The following SUGCT variants were observed in gnomAD, a reference collection of about 807,000 sequenced individuals.
SUGCT encodes the protein succinyl-CoA:glutarate CoA-transferase.
In SUGCT, 41 loss-of-function variants were observed where a neutral mutation model predicts 55.0. The observed-to-expected ratio is 0.74, with a 90% CI of 0.58 to 0.97. The LOEUF (loss-of-function observed/expected upper bound fraction) is 0.97, where lower values mean the gene tolerates loss of function less well. Among genes scored for constraint, SUGCT ranks in the 50% least tolerant of loss-of-function variants. The pLI is 0.00. For synonymous variants in SUGCT, 187 were observed against 200.4 expected (o/e 0.93, Z 0.56); for missense variants, 568 against 547.8 (o/e 1.04, Z -0.37).
intron 1 of SUGCT, chr7:40,154,065 G>A (rs552645663): frequency 2.4e-5 from 6 of 250,096 alleles, no homozygotes; most frequent in African/African-American, 1.1e-4. Context: ...GGTGAACATT[G>A]GGGGTCTTTG....
chr7:40,395,241 C>G (rs903591876), intron 9 of SUGCT, among the ~76,000 whole-genome samples: 5 of 152,026 alleles, frequency 3.3e-5, no homozygotes, highest in African/African-American at 1.2e-4. Flanking sequence ...GCAATCCCAG[C>G]ATTTTGGGAG....
chr7:40,903,344 C>G, the SUGCT span, among the ~76,000 whole-genome samples: 5 of 151,992 alleles, frequency 3.3e-5, no homozygotes, highest in Admixed American at 6.6e-5. Flanking sequence ...TACATCAGCG[C>G]CTAGACAGAG....
chr7:40,907,533 A>T, the SUGCT span, among the ~76,000 whole-genome samples: 2 of 152,350 alleles, frequency 1.3e-5, no homozygotes, highest in East Asian at 3.9e-4. Flanking sequence ...CTGGTTTTAT[A>T]TGCATTGCCT....
intron 1 of SUGCT, among the ~76,000 whole-genome samples, chr7:40,140,178 A>G (rs921946283): frequency 3.9e-5 from 6 of 152,118 alleles, no homozygotes; most frequent in Non-Finnish European, 7.4e-5. Flanking sequence ...TGCTGGGATT[A>G]TAGGTGTGAG....
chr7:40,482,283 G>A (rs1791096051), intron 11 of SUGCT, among the ~76,000 whole-genome samples: 1 of 152,114 alleles, frequency 6.6e-6, no homozygotes, highest in Non-Finnish European at 1.5e-5. Context: ...CAGAACATAT[G>A]ACTGGTAAGT....
intron 12 of SUGCT, chr7:40,499,208 C>T (rs946134041): frequency 5.1e-5 from 22 of 433,542 alleles, no homozygotes; most frequent in African/African-American, 1.8e-4. Flanking sequence ...TGGAACATGG[C>T]GTAGGAATGG....
chr7:40,421,248 C>T (rs1787290045), intron 9 of SUGCT, among the ~76,000 whole-genome samples: 1 of 152,182 alleles, frequency 6.6e-6, no homozygotes, highest in Non-Finnish European at 1.5e-5. Context: ...TTCCTAGCCT[C>T]TACCTTCTAC....
intron 1 of SUGCT, among the ~76,000 whole-genome samples, chr7:40,143,824 T>G (rs1788108898): frequency 6.6e-6 from 1 of 152,152 alleles, no homozygotes; most frequent in Admixed American, 6.5e-5. Flanking sequence ...GGTCTGTCCC[T>G]GAAACCTCAG....
chr7:40,616,196 G>GT (rs553161172), intron 12 of SUGCT, among the ~76,000 whole-genome samples: 569 of 147,646 alleles, frequency 3.9e-3, no homozygotes, highest in African/African-American at 0.011. Context: ...TGTTAAAGTA[G>GT]TTTTTTTTTT....
intron 12 of SUGCT, among the ~76,000 whole-genome samples, chr7:40,587,774 A>G (rs979968804): frequency 6.6e-6 from 1 of 152,206 alleles, no homozygotes; most frequent in Admixed American, 6.5e-5. Flanking sequence ...TTCAATACAT[A>G]ATGGAATTTT....
chr7:40,677,902 G>A (rs369693921), intron 12 of SUGCT, among the ~76,000 whole-genome samples: 1 of 152,128 alleles, frequency 6.6e-6, no homozygotes, highest in African/African-American at 2.4e-5. Context: ...GTTGGCCTGG[G>A]CTGCACTCAT....
intron 12 of SUGCT, among the ~76,000 whole-genome samples, chr7:40,571,096 T>C (rs1796428285): frequency 2.0e-5 from 3 of 152,100 alleles, no homozygotes; most frequent in African/African-American, 7.2e-5. Flanking sequence ...AGCAGGTTAC[T>C]GATCAAAATA....
chr7:40,325,402 A>G (rs1024918387), intron 9 of SUGCT, among the ~76,000 whole-genome samples: 2 of 152,190 alleles, frequency 1.3e-5, no homozygotes, highest in Non-Finnish European at 2.9e-5. Context: ...TAATAACAGT[A>G]ACAATAATCA....
chr7:40,850,858 T>C, intron 13 of SUGCT, among the ~76,000 whole-genome samples: 1 of 152,218 alleles, frequency 6.6e-6, no homozygotes, highest in Middle Eastern at 3.2e-3. Context: ...AGTCTAGGTC[T>C]GAAATTAGCA....
chr7:40,307,398 T>C (rs908559274), intron 8 of SUGCT, among the ~76,000 whole-genome samples: 3 of 152,162 alleles, frequency 2.0e-5, no homozygotes, highest in Non-Finnish European at 2.9e-5. Context: ...AACTAAACTT[T>C]TCCAGGTTCA....
At chr7:40,563,201 T>A (rs949068764) in intron 12 of SUGCT, among the ~76,000 whole-genome samples, 1 of 152,140 alleles carries the variant, frequency 6.6e-6, no homozygotes, top group South Asian at 2.1e-4. Flanking sequence ...ATCTGCGACT[T>A]CCAGTTATTC....
At chr7:40,627,150 G>C (rs568631035) in intron 12 of SUGCT, among the ~76,000 whole-genome samples, 1 of 152,302 alleles carries the variant, frequency 6.6e-6, no homozygotes, top group South Asian at 2.1e-4. Context: ...CTGGTGGAAG[G>C]TGTCCAGATT....
At chr7:40,560,209 G>A (rs142893685) in intron 12 of SUGCT, among the ~76,000 whole-genome samples, 99 of 152,318 alleles carry the variant, frequency 6.5e-4, no homozygotes, top group African/African-American at 2.2e-3. Flanking sequence ...TGTTTAGTTA[G>A]TGCCCACTGG....
At chr7:40,797,377 A>G (rs1164191888) in intron 13 of SUGCT, among the ~76,000 whole-genome samples, 1 of 151,646 alleles carries the variant, frequency 6.6e-6, no homozygotes, top group Non-Finnish European at 1.5e-5. Context: ...TTCTTAACTC[A>G]AGACCTCCGA....
Sources: allele counts gnomAD v4.1 joint callset (sites outside exome capture counted in the v4.1 genomes callset), GRCh38; gene constraint gnomAD v4.1.1; transcripts MANE v1.5; gene names NCBI Gene and HGNC (gene_info 2026-07-23, HGNC 2026-07-21).